The following RPS6KC1 variants were observed in gnomAD, a reference collection of about 807,000 sequenced individuals.
RPS6KC1 encodes inactive ribosomal protein S6 kinase delta-1.
Under a neutral mutation model 103.8 loss-of-function variants are expected in RPS6KC1, and 54 were observed. The ratio of observed to expected loss-of-function variants is 0.52; its 90% confidence interval spans 0.42 to 0.65. RPS6KC1 has a LOEUF of 0.65. RPS6KC1 is among the 30% of genes least tolerant of loss of function. The pLI is 0.00. For missense variants in RPS6KC1, 1,151 were observed against 1,253.8 expected (o/e 0.92, Z 1.24); for synonymous variants, 439 against 438.7 (o/e 1.00, Z -0.01).
the RPS6KC1 span, among the ~76,000 whole-genome samples, chr1:213,572,898 C>A: frequency 6.6e-6 from 1 of 152,098 alleles, no homozygotes; most frequent in African/African-American, 2.4e-5. Context: ...TGCTTAGGAA[C>A]TAACAAAAAC....
the RPS6KC1 span, among the ~76,000 whole-genome samples, chr1:213,829,110 C>T: frequency 2.0e-5 from 3 of 151,948 alleles, no homozygotes; most frequent in Non-Finnish European, 2.9e-5. Context: ...CTTGTAGTCC[C>T]GACGAAGCCT....
rs537045561 is a variant in RPS6KC1 at position 213,240,930 on chromosome 1, A to T, written c.1454A>T (p.Asn485Ile). 1.2e-6 allele frequency: 2 copies of T among 1,613,780 alleles called. No individual in the cohort carries two copies. The highest frequency in any genetic ancestry group is 1.7e-6 in the Non-Finnish European group (2 of 1,179,908). ...SLTPSSQDDSNQEDDGQDSSP... is the reference protein window; with the variant it reads ...SLTPSSQDDSIQEDDGQDSSP... ...ACTCCAAGTTCTCAAGATGACAGCAACCAGGAAGATGATGGCCAAGATAGC... is the reference window on the plus strand; with the variant it reads ...ACTCCAAGTTCTCAAGATGACAGCATCCAGGAAGATGATGGCCAAGATAGC... The change falls in exon 11 of 15, where the codon AAC becomes ATC. Residue 485 changes from asparagine to isoleucine, a missense_variant. Physicochemically the swap from Asn to Ile is moderately radical, Grantham distance 149. Coordinates refer to ENST00000366960, the MANE Select transcript of RPS6KC1 (RefSeq NM_012424.6).
chr1:213,456,076 T>C, the RPS6KC1 span, among the ~76,000 whole-genome samples: 1 of 152,140 alleles, frequency 6.6e-6, no homozygotes, highest in Non-Finnish European at 1.5e-5. Flanking sequence ...CAGAGACCCA[T>C]AGCCAATGAG....
At chr1:213,859,665 T>C in the RPS6KC1 span, among the ~76,000 whole-genome samples, 1 of 152,236 alleles carries the variant, frequency 6.6e-6, no homozygotes, top group Non-Finnish European at 1.5e-5. Context: ...AGATGGCCCT[T>C]ATTATCATTA....
the RPS6KC1 span, among the ~76,000 whole-genome samples, chr1:213,401,544 A>C: frequency 6.6e-6 from 1 of 152,154 alleles, no homozygotes; most frequent in African/African-American, 2.4e-5. Context: ...CTGAAGATGG[A>C]AATGTGGGAG....
chr1:213,591,105 C>T, the RPS6KC1 span, among the ~76,000 whole-genome samples: 6,330 of 152,208 alleles, frequency 0.042, 319 homozygotes, highest in East Asian at 0.27. Context: ...TCTGGGCCAC[C>T]GGGCACGATG....
the RPS6KC1 span, among the ~76,000 whole-genome samples, chr1:213,462,146 CAT>C: frequency 8.0e-4 from 122 of 152,206 alleles, no homozygotes; most frequent in African/African-American, 2.6e-3. Context: ...GCTGCAGAAA[CAT>C]ATGAAAAAAA....
At chr1:213,057,000 A>G (rs2077383372) in intron 1 of RPS6KC1, among the ~76,000 whole-genome samples, 1 of 151,860 alleles carries the variant, frequency 6.6e-6, no homozygotes, top group African/African-American at 2.4e-5. Context: ...AGTGTAGTGG[A>G]ACGATCACGG....
chr1:213,383,501 C>G, the RPS6KC1 span, among the ~76,000 whole-genome samples: 2 of 152,182 alleles, frequency 1.3e-5, no homozygotes, highest in African/African-American at 4.8e-5. Context: ...AATTTCATAT[C>G]CGCATCTGTA....
At chr1:213,523,685 G>A in the RPS6KC1 span, among the ~76,000 whole-genome samples, 1 of 152,126 alleles carries the variant, frequency 6.6e-6, no homozygotes, top group Admixed American at 6.5e-5. Context: ...GTTTAGTGGG[G>A]GTTACAGAAA....
chr1:213,668,490 C>G, the RPS6KC1 span, among the ~76,000 whole-genome samples: 1 of 142,826 alleles, frequency 7.0e-6, no homozygotes, highest in African/African-American at 2.6e-5. Context: ...ATGCTGTCAT[C>G]CAGGCTTTGT....
chr1:213,792,103 C>A, the RPS6KC1 span, among the ~76,000 whole-genome samples: 1 of 152,172 alleles, frequency 6.6e-6, no homozygotes, highest in Non-Finnish European at 1.5e-5. Context: ...CTGGCCCTCC[C>A]ACCCTTTCCT....
chr1:213,380,277 G>A, the RPS6KC1 span, among the ~76,000 whole-genome samples: 2 of 152,096 alleles, frequency 1.3e-5, no homozygotes, highest in Admixed American at 6.5e-5. Flanking sequence ...TAAATGATGC[G>A]AACACATGGA....
chr1:213,712,640 G>C, the RPS6KC1 span, among the ~76,000 whole-genome samples: 1 of 152,182 alleles, frequency 6.6e-6, no homozygotes, highest in Non-Finnish European at 1.5e-5. Flanking sequence ...GGGCCCTGGT[G>C]GTGTAGGCAC....
intron 6 of RPS6KC1, among the ~76,000 whole-genome samples, chr1:213,155,905 A>G (rs977405338): frequency 6.6e-6 from 1 of 152,212 alleles, no homozygotes; most frequent in Non-Finnish European, 1.5e-5. Context: ...ACTATATTCA[A>G]GAACCATTTC....
the RPS6KC1 span, among the ~76,000 whole-genome samples, chr1:213,496,252 AT>A: frequency 6.6e-6 from 1 of 152,252 alleles, no homozygotes; most frequent in Non-Finnish European, 1.5e-5. Context: ...AAATATAAAT[AT>A]GCTAAACCTA....
the RPS6KC1 span, among the ~76,000 whole-genome samples, chr1:213,747,748 C>A: frequency 6.6e-6 from 1 of 152,084 alleles, no homozygotes; most frequent in African/African-American, 2.4e-5. Context: ...TAGGGGCACC[C>A]AATAAAAATG....
In RPS6KC1 at chr1:213,165,997, T is replaced by A. The variant is rs188185500; in HGVS notation, c.836-1861T>A. On this transcript the variant is annotated intron_variant, in intron 6 of 14. Transcript: ENST00000366960. ...TTCTTGTTTCTGTTACTATGGAGACTGCCTAGAAAGTGGCAGAAAAACCAA... is the reference window on the plus strand; with the variant it reads ...TTCTTGTTTCTGTTACTATGGAGACAGCCTAGAAAGTGGCAGAAAAACCAA... Among the ~76,000 whole-genome samples, 1,000 of 152,366 alleles carry A rather than the reference T, an allele frequency of 6.6e-3. 34 individuals are homozygous for A. Among genetic ancestry groups the A allele is most frequent in the Non-Finnish European group, 3.1e-3 (209 of 68,036 alleles).
chr1:213,182,883 C>CAT (rs552412074), intron 8 of RPS6KC1, among the ~76,000 whole-genome samples: 1 of 146,246 alleles, frequency 6.8e-6, no homozygotes, highest in Non-Finnish European at 1.5e-5. Flanking sequence ...ATATATGATG[C>CAT]ATATATATGA....
Sources: gnomAD v4.1 joint callset for allele counts (sites outside exome capture counted in the v4.1 genomes callset) on GRCh38, gnomAD v4.1.1 for gene constraint, MANE v1.5 for transcripts, NCBI Gene and HGNC (gene_info 2026-07-23, HGNC 2026-07-21) for gene names.